The following AGO1 variants were observed in gnomAD, a reference collection of about 807,000 sequenced individuals.
AGO1 encodes argonaute RISC component 1.
In AGO1, 11 loss-of-function variants were observed where a neutral mutation model predicts 109.2. That is an observed-to-expected ratio of 0.10 (90% CI 0.06 to 0.17). AGO1 has a LOEUF of 0.17. AGO1 is among the 10% of genes least tolerant of loss of function. The probability of loss-of-function intolerance (pLI) is 1.00; values close to 1 mark genes in which losing one functional copy is unlikely to be tolerated. For synonymous variants in AGO1, 422 were observed against 418.6 expected, an observed-to-expected ratio of 1.01 and a Z score of -0.10; for missense variants, 574 against 1,140.3, an observed-to-expected ratio of 0.50 and a Z score of 7.15.
In AGO1 at chr1:35,906,932, C is replaced by A; in HGVS notation, c.1398-3C>A. 1 of 1,608,694 alleles carries A rather than the reference C, an allele frequency of 6.2e-7. No individual in the cohort carries two copies. Among genetic ancestry groups the A allele is most frequent in the Non-Finnish European group, 8.5e-7 (1 of 1,176,902 alleles). On this transcript the variant is annotated splice_polypyrimidine_tract_variant and splice_region_variant and intron_variant, in intron 11 of 18. Coordinates refer to ENST00000373204, the MANE Select transcript of AGO1 (RefSeq NM_012199.5). ...CCTCCTTTGTGACCATGCGTGTGTA[C>A]AGGAACTTCACAGACCAGCTGCGGA...
chr1:35,922,630 G>GCC lies in AGO1; in HGVS notation c.*3023_*3024insCC, dbSNP rs770398111. The GCC allele has an allele frequency of 1.3e-5, 2 of 151,276 alleles. No individual in the cohort carries two copies. Among genetic ancestry groups the GCC allele is most frequent in the Non-Finnish European group, 2.9e-5 (2 of 69,030 alleles). 9.4% of individuals were successfully genotyped at this position (151,276 alleles called of 1,614,324 possible). On this transcript the variant is annotated 3_prime_UTR_variant, in exon 19 of 19. Transcript: ENST00000373204. ...TGCCTGCCTGCCTGCCTGCCTGCCT[G>GCC]TCTGCCTATGTGATGATGAAATCTC...
chr1:35,871,153 A>G (rs1293783648), intron 1 of AGO1, among the ~76,000 whole-genome samples: 3 of 152,094 alleles, frequency 2.0e-5, no homozygotes, highest in Non-Finnish European at 4.4e-5. Context: ...GTACCAGTTT[A>G]CACTCCCACC....
intron 17 of AGO1, 104 bp from the exon 18 acceptor site, chr1:35,918,951 G>A (rs1237405693): frequency 9.5e-7 from 1 of 1,053,464 alleles, no homozygotes; most frequent in African/African-American, 1.6e-5. Flanking sequence ...CCTGTTCATG[G>A]GTGAATTATC....
chr1:35,881,277 G>A (rs897841865), upstream of AGO1, among the ~76,000 whole-genome samples: 1 of 152,074 alleles, frequency 6.6e-6, no homozygotes, highest in Non-Finnish European at 1.5e-5. Flanking sequence ...CTACTGAATC[G>A]AAAACTCTAG....
upstream of AGO1, among the ~76,000 whole-genome samples, chr1:35,878,649 C>T (rs948809935): frequency 1.3e-5 from 2 of 152,122 alleles, no homozygotes; most frequent in Non-Finnish European, 2.9e-5. Context: ...TCCAGGAACT[C>T]GGCCTCTTTC....
intron 1 of AGO1, among the ~76,000 whole-genome samples, chr1:35,887,340 G>A (rs1645137081): frequency 6.6e-6 from 1 of 152,196 alleles, no homozygotes; most frequent in African/African-American, 2.4e-5. Flanking sequence ...ACCTGGGCTA[G>A]TTCTCTACTG....
Position 35,915,951 on chromosome 1 carries a change from T to C in AGO1, c.2028+409T>C, listed in dbSNP as rs190543321. Among the ~76,000 whole-genome samples the C allele has an allele frequency of 2.2e-4, 34 of 152,312 alleles. 1 individual carries two copies. The highest frequency in any genetic ancestry group is 2.8e-4 in the Non-Finnish European group (19 of 68,034). On this transcript the variant is annotated intron_variant, in intron 15 of 18. Transcript: ENST00000373204. Reference sequence around the variant, plus strand: ...AAGTTCTTAGGCGATGCTGATAGTCTGGAGACTACATTTGAGGACTAATGC... The same window carrying C: ...AAGTTCTTAGGCGATGCTGATAGTCCGGAGACTACATTTGAGGACTAATGC...
chr1:35,908,415 C>T (rs1016004833), intron 12 of AGO1, among the ~76,000 whole-genome samples: 1 of 152,178 alleles, frequency 6.6e-6, no homozygotes, highest in Admixed American at 6.5e-5. Context: ...TCAATCATCA[C>T]CTATTGCTAT....
At chr1:35,902,931 T>A (rs921097208) in intron 11 of AGO1, among the ~76,000 whole-genome samples, 1 of 152,030 alleles carries the variant, frequency 6.6e-6, no homozygotes, top group Non-Finnish European at 1.5e-5. Flanking sequence ...AGGAAAGTGT[T>A]ATAGCCAAAT....
In AGO1 at chr1:35,918,442, G is replaced by C. The variant is rs770251093; in HGVS notation, c.2265+19G>C. 1 of 1,590,506 alleles carries C rather than the reference G, an allele frequency of 6.3e-7. No homozygotes were observed. The highest frequency in any genetic ancestry group is 8.6e-7 in the Non-Finnish European group (1 of 1,158,490). On this transcript the variant is annotated intron_variant, in intron 17 of 18. Coordinates refer to ENST00000373204, the MANE Select transcript of AGO1 (RefSeq NM_012199.5). ...CATCCAGGTAGCTGGGCTTTATCTT[G>C]TGGTTCCAATGGGTCAAAGATGAGT...
chr1:35,894,134 G>C lies in AGO1; in HGVS notation c.747G>C (p.Thr249=). The C allele has an allele frequency of 6.3e-7, 1 of 1,585,450 alleles. No homozygotes were observed. Among genetic ancestry groups the C allele is most frequent in the Non-Finnish European group, 8.6e-7 (1 of 1,166,332 alleles). Residue 249 remains threonine (T), a synonymous_variant, in exon 6 of 19, where the codon ACG becomes ACC. Coordinates refer to ENST00000373204, the MANE Select transcript of AGO1 (RefSeq NM_012199.5). ...RNIDEQPKPL[T]DSQRVRFTKE... ...TAGATGAGCAGCCCAAGCCCCTCAC[G>C]GACTCTCAGCGCGTTCGCTTCACCA...
At chr1:35,913,767 T>C in intron 12 of AGO1, 75 bp from the exon 13 acceptor site, 5 of 1,507,558 alleles carry the variant, frequency 3.3e-6, no homozygotes, top group Non-Finnish European at 4.6e-6. Flanking sequence ...TAGCACCTCA[T>C]ACACTGCCTG....
upstream of AGO1, among the ~76,000 whole-genome samples, chr1:35,880,851 G>T (rs1645029345): frequency 6.6e-6 from 1 of 151,830 alleles, no homozygotes; most frequent in Non-Finnish European, 1.5e-5. Context: ...GTGTAGATGG[G>T]GTTTCACCAT....
chr1:35,900,542 A>G (rs1468884186), intron 8 of AGO1, among the ~76,000 whole-genome samples: 1 of 152,138 alleles, frequency 6.6e-6, no homozygotes, highest in East Asian at 1.9e-4. Context: ...AGCCTGGCCA[A>G]CATGGCAAAA....
At chr1:35,871,167 A>G (rs551536747) in intron 1 of AGO1, among the ~76,000 whole-genome samples, 25 of 152,320 alleles carry the variant, frequency 1.6e-4, no homozygotes, top group African/African-American at 5.5e-4. Context: ...TCCCACCAAC[A>G]GATCATTATT....
At position 35,888,372 on chromosome 1, in the gene AGO1, A is replaced by G; in HGVS notation, c.26-55A>G. On this transcript the variant is annotated intron_variant, in intron 1 of 18. Coordinates refer to ENST00000373204, the MANE Select transcript of AGO1 (RefSeq NM_012199.5). The surrounding 1 kb of genome is among the most constrained non-coding windows in gnomAD (Gnocchi z 4.1). ...TGGGAGGCCTTGTTCCTCCTCTGAT[A>G]AGAGTAGTTAGGAGATTGCCAGACT... 2 of 1,574,672 alleles carry G rather than the reference A, an allele frequency of 1.3e-6. No individual in the cohort carries two copies. The highest frequency in any genetic ancestry group is 1.7e-6 in the Non-Finnish European group (2 of 1,152,622).
intron 1 of AGO1, among the ~76,000 whole-genome samples, chr1:35,884,395 G>C (rs1645086749): frequency 6.6e-6 from 1 of 152,188 alleles, no homozygotes; most frequent in African/African-American, 2.4e-5. Flanking sequence ...CTACCTGGAA[G>C]GAGTTGTCTG....
chr1:35,919,884 G>T lies in AGO1; in HGVS notation c.*277G>T. ...CCACTGGACCAAAAGGGGCAGCACT[G>T]GTGCCCACCATACACACAGGTGTCT... is the stretch of plus-strand genomic sequence containing the variant. On this transcript the variant is annotated 3_prime_UTR_variant, in exon 19 of 19. Coordinates refer to ENST00000373204, the MANE Select transcript of AGO1 (RefSeq NM_012199.5). The surrounding 1 kb of genome is among the most constrained non-coding windows in gnomAD (Gnocchi z 6.6). 2 of 424,576 alleles carry T rather than the reference G, an allele frequency of 4.7e-6. No homozygotes were observed. The highest frequency in any genetic ancestry group is 8.6e-6 in the Non-Finnish European group (2 of 233,468). The allele number at this position is 424,576 out of a possible 1,614,324, so 26.3% of individuals were successfully genotyped here. A position where few individuals can be genotyped will look rare whatever the true frequency, so the allele number is the denominator to read the frequency against.
At chr1:35,881,542 G>C (rs897921453), upstream of AGO1, among the ~76,000 whole-genome samples, 8 of 152,222 alleles carry the variant, frequency 5.3e-5, no homozygotes, top group African/African-American at 1.7e-4. Flanking sequence ...GGCTGGTCTT[G>C]AACTCCTGAC....
Sources: gnomAD v4.1 joint callset for allele counts (sites outside exome capture counted in the v4.1 genomes callset) on GRCh38, gnomAD v4.1.1 for gene constraint, Gnocchi (gnomAD v3.1) non-coding constraint, MANE v1.5 for transcripts, NCBI Gene and HGNC (gene_info 2026-07-23, HGNC 2026-07-21) for gene names.